LOXL2: variants seen among roughly 807,000 people sequenced by gnomAD.
LOXL2 encodes the protein lysyl oxidase like 2.
A neutral mutation model predicts 93.0 loss-of-function variants in LOXL2; 70 were observed. The ratio of observed to expected loss-of-function variants is 0.75; its 90% CI spans 0.62 to 0.92. The LOEUF is 0.92. Among genes scored for constraint, LOXL2 ranks in the 40% least tolerant of loss-of-function variants. The pLI is 0.00. For synonymous variants in LOXL2, 438 were observed against 413.2 expected (o/e 1.06, Z -0.73); for missense variants, 973 against 1,054.9 (o/e 0.92, Z 1.08).
At chr8:23,313,498 C>G (rs947005974) in intron 9 of LOXL2, among the ~76,000 whole-genome samples, 1 of 151,552 alleles carries the variant, frequency 6.6e-6, no homozygotes, top group South Asian at 2.1e-4. Flanking sequence ...CGCTGCATAT[C>G]TACAACTATC....
chr8:23,328,586 G>C, intron 5 of LOXL2, 21 bp from the exon 6 acceptor site: 1 of 1,611,868 alleles, frequency 6.2e-7, no homozygotes, highest in Non-Finnish European at 8.5e-7. Flanking sequence ...ACACGGTCCT[G>C]CTGAGTACAG....
intron 1 of LOXL2, among the ~76,000 whole-genome samples, chr8:23,384,729 T>C (rs1013286123): frequency 6.6e-6 from 1 of 152,074 alleles, no homozygotes; most frequent in Non-Finnish European, 1.5e-5. Flanking sequence ...GCCTGGCCAA[T>C]GTGGTGAAAC....
In LOXL2 at chr8:23,368,204, G is replaced by T. The variant is rs773163068; in HGVS notation, c.148C>A (p.Pro50Thr). Residue 50 changes from proline to threonine, a missense_variant, in exon 2 of 14, where the codon CCC (proline) becomes ACC (threonine). Transcript: ENST00000389131. Reference protein sequence around the residue: ...PAPEYHQPQAPANVAKIQLRL... With the variant: ...PAPEYHQPQATANVAKIQLRL... The stretch of plus-strand genomic sequence containing the variant: ...AGCTGAATCTTGGCCACGTTGGCGG[G>T]GGCCTGGGGCTGGTGATACTCAGGA... The T allele has an allele frequency of 6.2e-7, 1 of 1,614,052 alleles. No individual in the cohort carries two copies. Among genetic ancestry groups the T allele is most frequent in the Admixed American group, 1.7e-5 (1 of 60,026 alleles).
intron 9 of LOXL2, among the ~76,000 whole-genome samples, chr8:23,310,616 T>A (rs1458986225): frequency 6.6e-6 from 1 of 152,264 alleles, no homozygotes; most frequent in Non-Finnish European, 1.5e-5. Context: ...AATCTGTGCA[T>A]ATAACTTATT....
chr8:23,302,857 C>T (rs750706867), intron 11 of LOXL2, among the ~76,000 whole-genome samples: 1 of 151,806 alleles, frequency 6.6e-6, no homozygotes, highest in Non-Finnish European at 1.5e-5. Context: ...GACGGGGGGG[C>T]GCTTCAGAGG....
intron 6 of LOXL2, 103 bp downstream of exon 6, chr8:23,328,279 G>GGAAAGTGA: frequency 2.4e-6 from 3 of 1,268,022 alleles, no homozygotes; most frequent in Non-Finnish European, 3.4e-6. Flanking sequence ...AAGGGAGGAG[G>GGAAAGTGA]GAAAGTGAGG....
chr8:23,348,938 G>A (rs1200953091), intron 3 of LOXL2, among the ~76,000 whole-genome samples: 1 of 152,064 alleles, frequency 6.6e-6, no homozygotes, highest in East Asian at 1.9e-4. Flanking sequence ...ACAGACCCAT[G>A]TCCCAACTGC....
chr8:23,331,225 A>G (rs1803670638), intron 5 of LOXL2, among the ~76,000 whole-genome samples: 2 of 152,058 alleles, frequency 1.3e-5, no homozygotes, highest in Non-Finnish European at 2.9e-5. Context: ...ACAGGAGAGG[A>G]GCCAAAAGGG....
intron 1 of LOXL2, among the ~76,000 whole-genome samples, chr8:23,389,689 G>T (rs1804812529): frequency 6.6e-6 from 1 of 152,156 alleles, no homozygotes; most frequent in South Asian, 2.1e-4. Flanking sequence ...CAAGTGCCCT[G>T]ACACAACCTG....
chr8:23,331,983 C>G (rs1283765724), intron 5 of LOXL2: 2 of 143,760 alleles, frequency 1.4e-5, no homozygotes, highest in Non-Finnish European at 3.0e-5. Context: ...TTGCAGTGAA[C>G]CAAGATCATG....
At chr8:23,381,179 A>C (rs540439913) in intron 1 of LOXL2, among the ~76,000 whole-genome samples, 10 of 152,044 alleles carry the variant, frequency 6.6e-5, no homozygotes, top group Non-Finnish European at 1.3e-4. Flanking sequence ...CACATTGAAC[A>C]GCATATTGCA....
intron 1 of LOXL2, among the ~76,000 whole-genome samples, chr8:23,387,609 TAA>T (rs1487651493): frequency 6.6e-6 from 1 of 152,240 alleles, no homozygotes; most frequent in Non-Finnish European, 1.5e-5. Context: ...TAGATTTTTC[TAA>T]GTCTCAGGAT....
intron 10 of LOXL2, among the ~76,000 whole-genome samples, chr8:23,303,944 A>G (rs1803184472): frequency 1.3e-5 from 2 of 152,244 alleles, no homozygotes; most frequent in Non-Finnish European, 2.9e-5. Context: ...GGACACACAC[A>G]GGTACCCCAA....
At chr8:23,366,661 C>T (rs1016191317) in intron 2 of LOXL2, among the ~76,000 whole-genome samples, 16 of 152,192 alleles carry the variant, frequency 1.1e-4, no homozygotes, top group Non-Finnish European at 5.9e-5. Context: ...GGCATTAGCC[C>T]TTTAGTCCAG....
chr8:23,298,867 G>C lies in LOXL2; in HGVS notation c.2214C>G (p.Gly738=). The C allele has an allele frequency of 1.9e-6, 3 of 1,613,766 alleles. No homozygotes were observed. The highest frequency in any genetic ancestry group is 2.5e-6 in the Non-Finnish European group (3 of 1,179,714). ...GGCAGTTGTACATCCAGATGCGGTG[G>C]CCGTCATAGCGGCTCCTGCATTTCA... is the stretch of plus-strand genomic sequence containing the variant. ...NIMKCRSRYD[G]HRIWMYNCHI... is the part of the protein sequence containing the mutation. The change falls in exon 13 of 14, where the codon GGC becomes GGG. Residue 738 remains glycine, a synonymous_variant. Transcript: ENST00000389131.
intron 1 of LOXL2, among the ~76,000 whole-genome samples, chr8:23,391,524 C>CACACTA (rs1804843269): frequency 4.6e-4 from 70 of 152,120 alleles, no homozygotes; most frequent in Admixed American, 2.8e-3. Flanking sequence ...AATCATCCTC[C>CACACTA]CCCACTACAC....
At chr8:23,387,966 A>G (rs759535216) in intron 1 of LOXL2, among the ~76,000 whole-genome samples, 2 of 152,150 alleles carry the variant, frequency 1.3e-5, no homozygotes, top group Non-Finnish European at 2.9e-5. Flanking sequence ...ACAAACAAAA[A>G]AACTTTTTTA....
At chr8:23,381,144 A>G (rs17696121) in intron 1 of LOXL2, among the ~76,000 whole-genome samples, 7,584 of 146,162 alleles carry the variant, frequency 0.052, 241 homozygotes, top group Middle Eastern at 0.11. Context: ...ATCATTTTCT[A>G]CGTATTGCTT....
chr8:23,322,394 C>G (rs1275221357), intron 6 of LOXL2, 113 bp from the exon 7 acceptor site: 1 of 853,008 alleles, frequency 1.2e-6, no homozygotes. Context: ...GAACTCTCCC[C>G]ACTGCCTCTT....
Sources: gnomAD v4.1 joint callset for allele counts (sites outside exome capture counted in the v4.1 genomes callset) on GRCh38, gnomAD v4.1.1 for gene constraint, MANE v1.5 for transcripts, NCBI Gene and HGNC (gene_info 2026-07-23, HGNC 2026-07-21) for gene names.